Variants in FMN1 observed in about 807,000 individuals in gnomAD.
The protein encoded by FMN1 is formin 1.
Under a neutral mutation model 132.4 loss-of-function variants are expected in FMN1, and 110 were observed. The ratio of observed to expected loss-of-function variants is 0.83; its 90% CI spans 0.71 to 0.97. The LOEUF is 0.97. Ranked by LOEUF, FMN1 falls within the 50% of genes least tolerant of loss-of-function variation. The pLI is 0.00. For missense variants in FMN1, 1,792 were observed against 1,705.3 expected (o/e 1.05, Z -0.90); for synonymous variants, 722 against 651.7 (o/e 1.11, Z -1.64).
At chr15:33,095,388 A>C (rs2039045558) in intron 4 of FMN1, among the ~76,000 whole-genome samples, 1 of 152,116 alleles carries the variant, frequency 6.6e-6, no homozygotes, top group Non-Finnish European at 1.5e-5. Flanking sequence ...CTTGCTTGTT[A>C]ACAAAAAACA....
chr15:33,095,263 G>A (rs2039038924), intron 4 of FMN1, among the ~76,000 whole-genome samples: 1 of 152,096 alleles, frequency 6.6e-6, no homozygotes, highest in South Asian at 2.1e-4. Flanking sequence ...CACAAGAATT[G>A]CTTGAACCCG....
At chr15:33,111,216 A>T (rs1469096983) in intron 4 of FMN1, among the ~76,000 whole-genome samples, 5 of 152,134 alleles carry the variant, frequency 3.3e-5, no homozygotes, top group African/African-American at 1.2e-4. Flanking sequence ...AACCCTACAC[A>T]AGTTAATTTA....
chr15:33,088,178 A>C (rs949585748), intron 5 of FMN1, among the ~76,000 whole-genome samples: 8 of 152,140 alleles, frequency 5.3e-5, no homozygotes, highest in Non-Finnish European at 8.8e-5. Context: ...ATGTAACCAA[A>C]CACCACCTGT....
chr15:32,836,937 A>G lies in FMN1; in HGVS notation c.3928+20078T>C, dbSNP rs138987080. 1,741 of 193,916 alleles carry G rather than the reference A, an allele frequency of 9.0e-3. 22 individuals carry two copies. The highest frequency in any genetic ancestry group is 0.039 in the African/African-American group (1,645 of 41,740). The allele number at this position is 193,916 out of a possible 1,614,324, so 12.0% of individuals were successfully genotyped here. A position where few individuals can be genotyped will look rare whatever the true frequency, so the allele number is the denominator to read the frequency against. On this transcript the variant is annotated intron_variant, in intron 17 of 20. Coordinates refer to ENST00000616417, the MANE Select transcript of FMN1 (RefSeq NM_001277313.2). ...CATTCCTTTATTTTTTCCTTGGTAA[A>G]GGTTTAAAAATTCTAAAATAGATGC...
chr15:33,115,556 C>T (rs943950877), intron 4 of FMN1, among the ~76,000 whole-genome samples: 4 of 151,334 alleles, frequency 2.6e-5, no homozygotes, highest in Non-Finnish European at 5.9e-5. Flanking sequence ...CCCTCACATA[C>T]ACCCTCCCCC....
chr15:32,897,859 A>C (rs1039039848), intron 15 of FMN1, among the ~76,000 whole-genome samples: 3 of 152,206 alleles, frequency 2.0e-5, no homozygotes, highest in African/African-American at 7.2e-5. Flanking sequence ...ACAGGGAAGG[A>C]CATCAGAAAC....
In FMN1 at chr15:33,062,391, G is replaced by A. The variant is rs374122822; in HGVS notation, c.2161+2566C>T. Reference sequence around the variant, plus strand: ...AATCCCAGCACTTTGGGAGGTCGAGGCGGGGGGATCACGAGGTCAAGAGAT... The same window carrying A: ...AATCCCAGCACTTTGGGAGGTCGAGACGGGGGGATCACGAGGTCAAGAGAT... On this transcript the variant is annotated intron_variant, in intron 6 of 20. Coordinates refer to ENST00000616417, the MANE Select transcript of FMN1 (RefSeq NM_001277313.2). Among the ~76,000 whole-genome samples the A allele has an allele frequency of 3.3e-5, 5 of 152,258 alleles. No individual in the cohort carries two copies. The South Asian group carries it at 1.0e-3, about 32-fold the overall frequency.
rs1218545490 is a variant in FMN1 at position 33,154,329 on chromosome 15, T to A, written c.586A>T (p.Ile196Phe). Residue 196 changes from isoleucine (I) to phenylalanine (F), a missense_variant, in exon 4 of 21, where the codon ATC becomes TTC. Transcript: ENST00000616417. ...ESAPLMGKDK[I>F]CSSHSLPLSR... ...AGAGGAAGGGAGTGGCTGGAACAGA[T>A]CTTGTCCTTGCCCATCAGAGGAGCT... 1 of 1,536,126 alleles carries A rather than the reference T, an allele frequency of 6.5e-7. No homozygotes were observed. Among genetic ancestry groups the A allele is most frequent in the Non-Finnish European group, 8.7e-7 (1 of 1,146,902 alleles).
At chr15:33,119,426 T>G (rs764050667) in intron 4 of FMN1, among the ~76,000 whole-genome samples, 9 of 152,182 alleles carry the variant, frequency 5.9e-5, no homozygotes, top group Non-Finnish European at 1.2e-4. Context: ...ATGTGGGGGA[T>G]GTGCCTCCCC....
At chr15:33,004,521 A>G (rs2034303524) in intron 7 of FMN1, among the ~76,000 whole-genome samples, 1 of 152,168 alleles carries the variant, frequency 6.6e-6, no homozygotes. Flanking sequence ...AATGGCGATC[A>G]TTAAAGTCAG....
chr15:33,144,015 A>C (rs1447396422), intron 4 of FMN1, among the ~76,000 whole-genome samples: 2 of 152,186 alleles, frequency 1.3e-5, no homozygotes, highest in African/African-American at 2.4e-5. Flanking sequence ...CAAAATTACT[A>C]TTAGATGCAG....
At chr15:33,007,865 C>T (rs1290089068) in intron 7 of FMN1, 149 bp downstream of exon 7, 1 of 515,338 alleles carries the variant, frequency 1.9e-6, no homozygotes, top group African/African-American at 1.9e-5. Flanking sequence ...ACTTTTCATT[C>T]CCTGTATAGA....
At chr15:32,903,751 G>C (rs1031077238) in intron 12 of FMN1, among the ~76,000 whole-genome samples, 2 of 152,156 alleles carry the variant, frequency 1.3e-5, no homozygotes, top group African/African-American at 2.4e-5. Flanking sequence ...ACCAATATGA[G>C]GCGACAAGAC....
rs1357370056 is a variant in FMN1 at position 32,767,656 on chromosome 15, TA to T, written c.*6653del. The T allele has an allele frequency of 6.6e-6, 1 of 152,252 alleles. No homozygotes were observed. The highest frequency in any genetic ancestry group is 1.5e-5 in the Non-Finnish European group (1 of 68,042). 9.4% of individuals were successfully genotyped at this position (152,252 alleles called of 1,614,324 possible). The stretch of plus-strand genomic sequence containing the variant: ...TTCTTTAAAGGGAAGTTCTTTTTAT[TA>T]ATGCATACTCTCTTTGAAGATAAGA... On this transcript the variant is annotated 3_prime_UTR_variant, in exon 21 of 21. Coordinates refer to ENST00000616417, the MANE Select transcript of FMN1 (RefSeq NM_001277313.2).
intron 3 of FMN1, among the ~76,000 whole-genome samples, chr15:33,176,756 T>C (rs1965529173): frequency 6.6e-6 from 1 of 152,228 alleles, no homozygotes; most frequent in African/African-American, 2.4e-5. Context: ...CACAGGAAGA[T>C]TATCATTTTC....
chr15:32,817,115 A>G (rs2058081580), intron 17 of FMN1, among the ~76,000 whole-genome samples: 1 of 152,220 alleles, frequency 6.6e-6, no homozygotes. Flanking sequence ...TATTTACACG[A>G]AACCTCTGAC....
chr15:33,076,558 A>G (rs1218542270), intron 5 of FMN1, among the ~76,000 whole-genome samples: 1 of 152,180 alleles, frequency 6.6e-6, no homozygotes, highest in Non-Finnish European at 1.5e-5. Context: ...TGGGAGGAGC[A>G]TGCATGCTGT....
chr15:32,893,883 T>C (rs2060090894), intron 15 of FMN1, among the ~76,000 whole-genome samples: 1 of 152,240 alleles, frequency 6.6e-6, no homozygotes, highest in Non-Finnish European at 1.5e-5. Flanking sequence ...TTTGACTTGG[T>C]TGGGGTAGGT....
At chr15:33,023,615 A>G (rs1393606584) in intron 6 of FMN1, among the ~76,000 whole-genome samples, 1 of 152,208 alleles carries the variant, frequency 6.6e-6, no homozygotes, top group African/African-American at 2.4e-5. Flanking sequence ...TCAAGGAAGG[A>G]GTTTGTGAGT....
Sources: gnomAD v4.1 joint callset for allele counts (sites outside exome capture counted in the v4.1 genomes callset) on GRCh38, gnomAD v4.1.1 for gene constraint, MANE v1.5 for transcripts, NCBI Gene and HGNC (gene_info 2026-07-23, HGNC 2026-07-21) for gene names.